SRXN1: variants seen among roughly 807,000 people sequenced by gnomAD.
SRXN1 encodes sulfiredoxin 1.
Under a neutral mutation model 11.0 loss-of-function variants are expected in SRXN1, and 11 were observed. The ratio of observed to expected loss-of-function variants is 1.00; its 90% confidence interval spans 0.63 to 1.65. SRXN1 has a LOEUF of 1.65. SRXN1 is among the 40% of genes most tolerant of loss of function. SRXN1 has a pLI of 0.00. For missense variants in SRXN1, 211 were observed against 194.5 expected (o/e 1.08, Z -0.50); for synonymous variants, 106 against 92.8 (o/e 1.14, Z -0.82).
intron 1 of SRXN1, among the ~76,000 whole-genome samples, chr20:650,047 G>A (rs1983634086): frequency 6.6e-6 from 1 of 152,244 alleles, no homozygotes; most frequent in South Asian, 2.1e-4. Context: ...AGGAGGCACA[G>A]CAAGGAGTTC....
intron 1 of SRXN1, 93 bp from the exon 2 acceptor site, chr20:649,010 GGTGATCACACTGGACTACT>G (rs1983609210): frequency 1.5e-6 from 2 of 1,347,058 alleles, no homozygotes; most frequent in Non-Finnish European, 2.1e-6. Flanking sequence ...CTCCTTATAA[GGTGATCACACTGGACTACT>G]GTGAGAGACA....
At position 648,565 on chromosome 20, in the gene SRXN1, T is replaced by C. The variant is rs145519957; in HGVS notation, c.*149A>G. ...ACTGTACAGTGAGTCCAAGGCCTTG[T>C]AGCTGGTGAGAGGGGTGCCCAGAGT... On this transcript the variant is annotated 3_prime_UTR_variant, in exon 2 of 2. Transcript: ENST00000381962. 8.3e-6 allele frequency: 7 copies of C among 843,126 alleles called. No individual in the cohort carries two copies. Among genetic ancestry groups the C allele is most frequent in the Middle Eastern group, 3.4e-4 (1 of 2,948 alleles). 52.2% of individuals were successfully genotyped at this position (843,126 alleles called of 1,614,324 possible). A position where few individuals can be genotyped will look rare whatever the true frequency, so the allele number is the denominator to read the frequency against.
rs1321783015 is a variant in SRXN1, at chr20:648,451, T to TC, written c.*262dup. ...TTTGGAGCCGGCAGCACGTGGCTCT[T>TC]CAAGCCCATCTCTGTTCTCCTTCTC... On this transcript the variant is annotated 3_prime_UTR_variant, in exon 2 of 2. Transcript: ENST00000381962. 1.6e-6 allele frequency: 1 copy of TC among 632,364 alleles called. No individual in the cohort carries two copies. Among genetic ancestry groups the TC allele is most frequent in the Non-Finnish European group, 2.9e-6 (1 of 340,664 alleles). 39.2% of individuals were successfully genotyped at this position (632,364 alleles called of 1,614,324 possible).
intron 1 of SRXN1, among the ~76,000 whole-genome samples, chr20:651,259 A>G (rs1420203456): frequency 2.0e-5 from 3 of 152,200 alleles, no homozygotes; most frequent in Non-Finnish European, 4.4e-5. Context: ...CTGACCATAA[A>G]TAAACCTGTG....
At position 653,163 on chromosome 20, in the gene SRXN1, G is replaced by A. The variant is rs760175280; in HGVS notation, c.23C>T (p.Thr8Met). The change falls in exon 1 of 2, where the codon ACG (threonine) becomes ATG (methionine). Residue 8 changes from threonine to methionine, a missense_variant. Coordinates refer to ENST00000381962, the MANE Select transcript of SRXN1 (RefSeq NM_080725.3). MGLRAGG[T>M]LGRAGAGRGA... ...CCGACCCGCGCCGGCCCTGCCCAGC[G>A]TTCCTCCTGCACGCAGCCCCATCGT... is the stretch of plus-strand genomic sequence containing the variant. 26 of 1,275,348 alleles carry A rather than the reference G, an allele frequency of 2.0e-5. No homozygotes were observed. The South Asian group carries it at 5.2e-4, about 26-fold the overall frequency. 79.0% of individuals were successfully genotyped at this position (1,275,348 alleles called of 1,614,324 possible).
In SRXN1 at chr20:653,132, C is replaced by T; in HGVS notation, c.54G>A (p.Ala18=). Residue 18 remains alanine, a synonymous_variant, in exon 1 of 2, where the codon GCG becomes GCA. Transcript: ENST00000381962. Reference sequence around the variant, plus strand: ...CGCCGCTCGGCCCGGGCCCCTCGGGCGCCCCCCGACCCGCGCCGGCCCTGC... The same window carrying T: ...CGCCGCTCGGCCCGGGCCCCTCGGGTGCCCCCCGACCCGCGCCGGCCCTGC... ...TLGRAGAGRG[A]PEGPGPSGGA... is the part of the protein sequence containing the mutation. 2.3e-6 allele frequency: 3 copies of T among 1,313,182 alleles called. No homozygotes were observed. The highest frequency in any genetic ancestry group is 2.1e-5 in the South Asian group (1 of 46,632). The allele number at this position is 1,313,182 out of a possible 1,614,324, so 81.3% of individuals were successfully genotyped here.
chr20:650,888 T>C (rs1983654761), intron 1 of SRXN1, among the ~76,000 whole-genome samples: 1 of 152,214 alleles, frequency 6.6e-6, no homozygotes, highest in African/African-American at 2.4e-5. Context: ...CTCCCAAAGA[T>C]GTCCACGCCC....
chr20:648,217 C>G lies in SRXN1; in HGVS notation c.*497G>C, dbSNP rs766577282. On this transcript the variant is annotated 3_prime_UTR_variant, in exon 2 of 2. Transcript: ENST00000381962. ...GAAGTAACGAGCACTGAGATTAAGGCAAAAGGATCCAAGACGTGACCCCTA... is the reference window on the plus strand; with the variant it reads ...GAAGTAACGAGCACTGAGATTAAGGGAAAAGGATCCAAGACGTGACCCCTA... The G allele has an allele frequency of 4.4e-6, 2 of 456,234 alleles. No individual in the cohort carries two copies. Among genetic ancestry groups the G allele is most frequent in the South Asian group, 3.1e-5 (2 of 64,574 alleles). 28.3% of individuals were successfully genotyped at this position (456,234 alleles called of 1,614,324 possible). A position where few individuals can be genotyped will look rare whatever the true frequency, so the allele number is the denominator to read the frequency against.
Position 653,009 on chromosome 20 carries a change from G to C in SRXN1, c.177C>G (p.Pro59=), listed in dbSNP as rs748252819. 1 of 1,570,844 alleles carries C rather than the reference G, an allele frequency of 6.4e-7. No individual in the cohort carries two copies. Among genetic ancestry groups the C allele is most frequent in the Non-Finnish European group, 8.6e-7 (1 of 1,160,968 alleles). Residue 59 remains proline, a synonymous_variant, in exon 1 of 2, where the codon CCC becomes CCG. Transcript: ENST00000381962. The part of the protein sequence containing the change: ...LIRPLPSVLD[P]AKVQSLVDTI... ...TGTCCACGAGGCTCTGCACCTTGGC[G>C]GGGTCCAACACGGACGGCAGCGGCC...
At chr20:650,416 A>C (rs544170528) in intron 1 of SRXN1, among the ~76,000 whole-genome samples, 1 of 152,140 alleles carries the variant, frequency 6.6e-6, no homozygotes, top group African/African-American at 2.4e-5. Flanking sequence ...GGGAGAATCT[A>C]AGTTGACTTC....
At chr20:651,671 C>A (rs1983675994) in intron 1 of SRXN1, among the ~76,000 whole-genome samples, 1 of 148,166 alleles carries the variant, frequency 6.7e-6, no homozygotes, top group South Asian at 2.2e-4. Flanking sequence ...GTGACAGACC[C>A]AGACAACGTC....
intron 1 of SRXN1, among the ~76,000 whole-genome samples, chr20:651,148 C>T (rs1983661282): frequency 6.6e-6 from 1 of 152,322 alleles, no homozygotes; most frequent in East Asian, 1.9e-4. Flanking sequence ...TGGGTGGCGT[C>T]TGGAAGCTGG....
Position 648,468 on chromosome 20 carries a change from C to A in SRXN1, c.*246G>T, listed in dbSNP as rs1490099538. 1 of 648,416 alleles carries A rather than the reference C, an allele frequency of 1.5e-6. No homozygotes were observed. The highest frequency in any genetic ancestry group is 2.1e-5 in the Admixed American group (1 of 47,572). The allele number at this position is 648,416 out of a possible 1,614,324, so 40.2% of individuals were successfully genotyped here. On this transcript the variant is annotated 3_prime_UTR_variant, in exon 2 of 2. Transcript: ENST00000381962. ...GTGGCTCTTCAAGCCCATCTCTGTT[C>A]TCCTTCTCGGTAATGCTTCAAGGGT... is the stretch of plus-strand genomic sequence containing the variant.
chr20:650,048 C>G (rs1983634145), intron 1 of SRXN1, among the ~76,000 whole-genome samples: 1 of 152,172 alleles, frequency 6.6e-6, no homozygotes, highest in Admixed American at 6.5e-5. Context: ...GGAGGCACAG[C>G]AAGGAGTTCA....
intron 1 of SRXN1, among the ~76,000 whole-genome samples, chr20:652,481 A>G (rs1170626845): frequency 2.0e-5 from 3 of 152,210 alleles, no homozygotes; most frequent in Admixed American, 2.0e-4. Flanking sequence ...ACCTAGTCCC[A>G]CTGTCACTGA....
chr20:649,930 C>T lies in SRXN1; in HGVS notation c.211-1013G>A, dbSNP rs573812068. 7.9e-5 allele frequency among the ~76,000 whole-genome samples: 12 copies of T among 152,272 alleles called. No individual in the cohort carries two copies. The South Asian group carries it at 1.5e-3, about 18-fold the overall frequency. On this transcript the variant is annotated intron_variant, in intron 1 of 1. Coordinates refer to ENST00000381962, the MANE Select transcript of SRXN1 (RefSeq NM_080725.3). ...AGCACTTCAAACCATGCTTGGCACA[C>T]GGAAAGTGCTCAGTAATGTATGCTG...
intron 1 of SRXN1, 60 bp from the exon 2 acceptor site, chr20:648,977 A>C: frequency 6.3e-7 from 1 of 1,575,672 alleles, no homozygotes; most frequent in South Asian, 1.1e-5. Context: ...TTTGTAAAGC[A>C]GACTTTGTCC....
Position 653,051 on chromosome 20 carries a change from C to G in SRXN1, c.135G>C (p.Pro45=), listed in dbSNP as rs6139843. The G allele has an allele frequency of 6.4e-7, 1 of 1,559,896 alleles. No individual in the cohort carries two copies. Among genetic ancestry groups the G allele is most frequent in the Admixed American group, 1.8e-5 (1 of 55,076 alleles). The change falls in exon 1 of 2, where the codon CCG becomes CCC. Residue 45 remains proline, a synonymous_variant. Transcript: ENST00000381962. ...GCAGCGGCCGGATGAGCACGCTCAGCGGCACGTTGTGCACCGCGGCGATGC... is the reference window on the plus strand; with the variant it reads ...GCAGCGGCCGGATGAGCACGCTCAGGGGCACGTTGTGCACCGCGGCGATGC... ...SGRIAAVHNV[P]LSVLIRPLPS...
At position 648,915 on chromosome 20, in the gene SRXN1, C is replaced by G; in HGVS notation, c.213G>C (p.Glu71Asp). 6.2e-7 allele frequency: 1 copy of G among 1,614,002 alleles called. No individual in the cohort carries two copies. The highest frequency in any genetic ancestry group is 1.1e-5 in the South Asian group (1 of 91,082). ...CGATGGGGGGCACGCTGTCTGGGTCCTCCTGGGGAGAAGAGGCACAGAGTC... is the reference window on the plus strand; with the variant it reads ...CGATGGGGGGCACGCTGTCTGGGTCGTCCTGGGGAGAAGAGGCACAGAGTC... Reference protein sequence around the residue: ...KVQSLVDTIREDPDSVPPIDV... With the variant: ...KVQSLVDTIRDDPDSVPPIDV... The change falls in exon 2 of 2, where the codon GAG (glutamate) becomes GAC (aspartate). Residue 71 changes from glutamate (E) to aspartate (D), a missense_variant and splice_region_variant. By Grantham distance (45) the Glu-to-Asp change is conservative. Transcript: ENST00000381962.
Sources: gnomAD v4.1 joint callset for allele counts (sites outside exome capture counted in the v4.1 genomes callset) on GRCh38, gnomAD v4.1.1 for gene constraint, MANE v1.5 for transcripts, NCBI Gene and HGNC (gene_info 2026-07-23, HGNC 2026-07-21) for gene names.